The following CTNNA3 variants were observed in gnomAD, a reference collection of about 807,000 sequenced individuals.
CTNNA3 encodes catenin alpha-3.
In CTNNA3, 76 loss-of-function variants were observed where a neutral mutation model predicts 95.7. The observed-to-expected ratio is 0.79, with a 90% CI of 0.66 to 0.96. The LOEUF is 0.96. Among genes scored for constraint, CTNNA3 ranks in the 40% least tolerant of loss-of-function variants. The pLI is 0.00. For missense variants in CTNNA3, 1,191 were observed against 1,089.8 expected (o/e 1.09, Z -1.31); for synonymous variants, 431 against 374.4 (o/e 1.15, Z -1.74).
chr10:65,959,324 C>T lies in CTNNA3; in HGVS notation c.2400+7288G>A, dbSNP rs767943166. ...CCCTTGGCTAGGAAAGGGAATTCCC[C>T]GACCCCTTGTGCTTCCTGGGTGAGG... is the stretch of plus-strand genomic sequence containing the variant. On this transcript the variant is annotated intron_variant, in intron 17 of 17. Transcript: ENST00000433211. 1.8e-4 allele frequency among the ~76,000 whole-genome samples: 28 copies of T among 152,258 alleles called. 1 individual carries two copies. Among genetic ancestry groups the T allele is most frequent in the Middle Eastern group, 3.4e-3 (1 of 294 alleles).
intron 12 of CTNNA3, among the ~76,000 whole-genome samples, chr10:66,309,457 C>A (rs904412405): frequency 6.6e-6 from 1 of 151,624 alleles, no homozygotes; most frequent in African/African-American, 2.4e-5. Context: ...CTTTGGGAGG[C>A]CAAGGCGGGC....
rs1388901713 is a variant in CTNNA3 at position 67,731,821 on chromosome 10, T to C, written c.-2+31613A>G. ...GTCTCAAAAAAAAAAAAAAAAGATA[T>C]TTTGCTTTTAAACAATGGTTCACAT... On this transcript the variant is annotated intron_variant, in intron 1 of 17. Coordinates refer to the CTNNA3 transcript ENST00000684154. Among the ~76,000 whole-genome samples, 6 of 151,862 alleles carry C rather than the reference T, an allele frequency of 4.0e-5. No homozygotes were observed. In the East Asian group the frequency reaches 9.7e-4, roughly 24 times the overall value.
At chr10:66,581,696 T>C (rs10997248) in intron 10 of CTNNA3, among the ~76,000 whole-genome samples, 3 of 151,518 alleles carry the variant, frequency 2.0e-5, no homozygotes, top group African/African-American at 7.3e-5. Context: ...CTTTTAGGGG[T>C]CTTAGTTATA....
intron 11 of CTNNA3, among the ~76,000 whole-genome samples, chr10:66,398,906 C>T (rs2092999806): frequency 1.3e-5 from 2 of 152,034 alleles, no homozygotes; most frequent in Admixed American, 1.3e-4. Flanking sequence ...CCATTCCTTG[C>T]ATTTAAGCAT....
chr10:66,209,155 G>C (rs2087956580), intron 13 of CTNNA3, among the ~76,000 whole-genome samples: 1 of 152,036 alleles, frequency 6.6e-6, no homozygotes, highest in South Asian at 2.1e-4. Context: ...TAATTTTCCA[G>C]TTAAAGTAAT....
intron 15 of CTNNA3, among the ~76,000 whole-genome samples, chr10:66,051,259 T>A (rs1475923308): frequency 6.6e-6 from 1 of 152,200 alleles, no homozygotes; most frequent in Admixed American, 6.5e-5. Flanking sequence ...CAGATTTTGT[T>A]TTTTACGTGA....
rs1841060483 is a variant in CTNNA3 at position 67,703,847 on chromosome 10, C to A, written c.-1-56333G>T. Among the ~76,000 whole-genome samples the A allele has an allele frequency of 3.9e-5, 6 of 152,200 alleles. No individual in the cohort carries two copies. The South Asian group carries it at 1.2e-3, about 32-fold the overall frequency. ...GAGGAAGTCAAATTGTCCCTGTTTG[C>A]AGATGACATGATTGTATATCTAGAA... On this transcript the variant is annotated intron_variant, in intron 1 of 17. Transcript: ENST00000684154.
chr10:66,546,535 G>A (rs1220460353), intron 10 of CTNNA3, among the ~76,000 whole-genome samples: 3 of 152,166 alleles, frequency 2.0e-5, no homozygotes, highest in Non-Finnish European at 4.4e-5. Flanking sequence ...TTGACTCACT[G>A]TTTAGCATGG....
chr10:67,295,312 A>T (rs1839991753), intron 5 of CTNNA3, among the ~76,000 whole-genome samples: 1 of 152,258 alleles, frequency 6.6e-6, no homozygotes, highest in Non-Finnish European at 1.5e-5. Flanking sequence ...GATTTTTTAA[A>T]AGTTAATTCA....
intron 2 of CTNNA3, among the ~76,000 whole-genome samples, chr10:67,607,810 T>C (rs1159312697): frequency 6.6e-6 from 1 of 152,228 alleles, no homozygotes; most frequent in East Asian, 1.9e-4. Context: ...GACATTAAAA[T>C]GTCCTCTCTT....
chr10:67,701,390 T>C (rs146914458), intron 1 of CTNNA3, among the ~76,000 whole-genome samples: 4,366 of 152,152 alleles, frequency 0.029, 87 homozygotes, highest in Non-Finnish European at 0.044. Context: ...GTCAGGTTAC[T>C]CACAAAGGGA....
At chr10:67,055,109 A>G (rs1456109620) in intron 7 of CTNNA3, 1 of 152,194 alleles carries the variant, frequency 6.6e-6, no homozygotes, top group Admixed American at 6.5e-5. Flanking sequence ...TAGAGTCAGC[A>G]CATCCTGGGT....
intron 9 of CTNNA3, among the ~76,000 whole-genome samples, chr10:66,673,529 T>G (rs940547210): frequency 1.3e-5 from 2 of 152,024 alleles, no homozygotes; most frequent in Admixed American, 1.3e-4. Context: ...AATACTGAAA[T>G]TTTTCTTTTA....
chr10:67,491,738 G>A (rs1002130307), intron 5 of CTNNA3, among the ~76,000 whole-genome samples: 2 of 152,204 alleles, frequency 1.3e-5, no homozygotes, highest in African/African-American at 4.8e-5. Flanking sequence ...TTGAGGATAT[G>A]TTCAGATTTT....
intron 7 of CTNNA3, among the ~76,000 whole-genome samples, chr10:67,048,885 T>G (rs1854913481): frequency 6.6e-6 from 1 of 152,152 alleles, no homozygotes; most frequent in South Asian, 2.1e-4. Context: ...TTTATAAAAC[T>G]TTATTATCCT....
intron 9 of CTNNA3, among the ~76,000 whole-genome samples, chr10:66,760,716 T>C (rs1442811322): frequency 1.3e-5 from 2 of 152,152 alleles, no homozygotes; most frequent in African/African-American, 2.4e-5. Flanking sequence ...CACTACAACA[T>C]GGAAAGGAAC....
At chr10:66,710,489 T>C (rs925148111) in intron 9 of CTNNA3, among the ~76,000 whole-genome samples, 7 of 151,942 alleles carry the variant, frequency 4.6e-5, no homozygotes, top group South Asian at 2.1e-4. Context: ...TGGAATGGCC[T>C]AGATTGTTTA....
chr10:67,251,505 G>C (rs1344941415), intron 5 of CTNNA3, among the ~76,000 whole-genome samples: 1 of 152,162 alleles, frequency 6.6e-6, no homozygotes, highest in African/African-American at 2.4e-5. Flanking sequence ...AGAGTGGTTA[G>C]AAATAAAGAC....
At chr10:67,637,129 G>A (rs562960884) in intron 2 of CTNNA3, among the ~76,000 whole-genome samples, 2 of 152,074 alleles carry the variant, frequency 1.3e-5, no homozygotes, top group South Asian at 2.1e-4. Context: ...AAGATTAAAC[G>A]AATGGCTAAC....
Sources: gnomAD v4.1 joint callset for allele counts (sites outside exome capture counted in the v4.1 genomes callset) on GRCh38, gnomAD v4.1.1 for gene constraint, MANE v1.5 for transcripts, NCBI Gene and HGNC (gene_info 2026-07-23, HGNC 2026-07-21) for gene names.